The following DLGAP2 variants were observed in gnomAD, a reference collection of about 807,000 sequenced individuals.
DLGAP2 encodes the protein DLG associated protein 2.
A neutral mutation model predicts 100.3 loss-of-function variants in DLGAP2; 26 were observed. The ratio of observed to expected loss-of-function variants is 0.26; its 90% CI spans 0.19 to 0.36. The LOEUF is 0.36. Among genes scored for constraint, DLGAP2 ranks in the 10% least tolerant of loss-of-function variants. The pLI is 1.00. For synonymous variants in DLGAP2, 886 were observed against 630.1 expected (o/e 1.41, Z -6.08); for missense variants, 1,858 against 1,453.2 (o/e 1.28, Z -4.53).
intron 2 of DLGAP2, among the ~76,000 whole-genome samples, chr8:966,541 A>G (rs1375440243): frequency 6.6e-6 from 1 of 152,078 alleles, no homozygotes; most frequent in Non-Finnish European, 1.5e-5. Context: ...AAAGTTTTTA[A>G]TTTTCAAACT....
chr8:1,148,143 G>C (rs1412092137), intron 2 of DLGAP2, among the ~76,000 whole-genome samples: 2 of 152,082 alleles, frequency 1.3e-5, no homozygotes, highest in African/African-American at 2.4e-5. Context: ...ATCTTTTCTA[G>C]ACAGGACTGT....
chr8:839,488 C>T (rs1002199951), intron 1 of DLGAP2, among the ~76,000 whole-genome samples: 5 of 152,188 alleles, frequency 3.3e-5, no homozygotes, highest in Admixed American at 1.3e-4. Context: ...AGACAAATGC[C>T]ACCTGTGCTC....
chr8:1,240,347 A>T (rs188820521), intron 2 of DLGAP2, among the ~76,000 whole-genome samples: 3 of 123,058 alleles, frequency 2.4e-5, no homozygotes, highest in African/African-American at 9.1e-5. Context: ...ACATAACGTC[A>T]TGTCTAGTTC....
intron 4 of DLGAP2, among the ~76,000 whole-genome samples, chr8:1,505,551 G>C (rs1400617216): frequency 1.3e-5 from 2 of 152,218 alleles, no homozygotes; most frequent in African/African-American, 4.8e-5. Flanking sequence ...GAAGCTCATA[G>C]AGTGTAATGT....
chr8:1,337,408 G>A (rs377187005), intron 3 of DLGAP2, among the ~76,000 whole-genome samples: 13 of 192 alleles, frequency 0.068, no homozygotes, highest in East Asian at 0.2. Flanking sequence ...GGTGATGATG[G>A]TGATGGTGAG....
intron 2 of DLGAP2, among the ~76,000 whole-genome samples, chr8:1,167,840 G>A (rs1335723148): frequency 6.9e-6 from 1 of 144,626 alleles, no homozygotes; most frequent in Admixed American, 6.9e-5. Context: ...ACGTTCAGTA[G>A]AGGGATGTAG....
chr8:1,561,938 C>T (rs368709051), intron 5 of DLGAP2, among the ~76,000 whole-genome samples: 1 of 22,318 alleles, frequency 4.5e-5, no homozygotes, highest in Middle Eastern at 0.042. Context: ...CTCGTTGCTG[C>T]GGGACTGTGT....
intron 2 of DLGAP2, among the ~76,000 whole-genome samples, chr8:1,213,324 G>C (rs1011944835): frequency 2.0e-5 from 3 of 152,094 alleles, no homozygotes; most frequent in Admixed American, 2.0e-4. Context: ...TAAAAGTTTT[G>C]ATCGAGTTTT....
chr8:1,357,084 CATT>C (rs1042347052), intron 3 of DLGAP2, among the ~76,000 whole-genome samples: 3 of 122,348 alleles, frequency 2.5e-5, no homozygotes, highest in South Asian at 4.8e-4. Context: ...GATCCAATGA[CATT>C]AAAGCAGATG....
In DLGAP2 at chr8:1,676,638, C is replaced by T. The variant is rs780384355; in HGVS notation, c.2288+20C>T. 3.2e-5 allele frequency: 51 copies of T among 1,603,422 alleles called. No individual in the cohort carries two copies. The highest frequency in any genetic ancestry group is 1.7e-4 in the Middle Eastern group (1 of 6,032). Reference sequence around the variant, plus strand: ...GAAGCGGTAACTCAGCCCCTCCTGACACGCGGTGACCCCCGAGCGAGGGCT... The same window carrying T: ...GAAGCGGTAACTCAGCCCCTCCTGATACGCGGTGACCCCCGAGCGAGGGCT... On this transcript the variant is annotated intron_variant, in intron 11 of 14. Coordinates refer to ENST00000637795, the MANE Select transcript of DLGAP2 (RefSeq NM_001346810.2).
At chr8:1,120,504 T>G (rs1462894487) in intron 2 of DLGAP2, among the ~76,000 whole-genome samples, 1 of 152,068 alleles carries the variant, frequency 6.6e-6, no homozygotes, top group African/African-American at 2.4e-5. Context: ...CAGCCACCCA[T>G]CCTTCGGAAC....
chr8:1,161,316 G>C (rs962290799), intron 2 of DLGAP2, among the ~76,000 whole-genome samples: 3 of 152,156 alleles, frequency 2.0e-5, no homozygotes, highest in African/African-American at 7.2e-5. Flanking sequence ...GGTGTTGTAG[G>C]AAAGGAGATG....
chr8:1,529,420 T>C (rs961847709), intron 4 of DLGAP2, among the ~76,000 whole-genome samples: 4 of 152,190 alleles, frequency 2.6e-5, no homozygotes, highest in African/African-American at 7.2e-5. Context: ...ATGTCTTTCA[T>C]GCCACAGATT....
intron 3 of DLGAP2, among the ~76,000 whole-genome samples, chr8:1,449,452 T>A (rs1469043044): frequency 1.3e-5 from 2 of 151,896 alleles, no homozygotes; most frequent in Admixed American, 1.3e-4. Flanking sequence ...CTCAGCGTTT[T>A]GGGAAGAGCA....
intron 3 of DLGAP2, among the ~76,000 whole-genome samples, chr8:1,410,747 T>C (rs532532924): frequency 6.6e-6 from 1 of 152,178 alleles, no homozygotes; most frequent in Non-Finnish European, 1.5e-5. Flanking sequence ...AGATGCTGAT[T>C]TGGAACCTGG....
intron 2 of DLGAP2, among the ~76,000 whole-genome samples, chr8:983,731 C>T (rs948045342): frequency 3.9e-5 from 6 of 152,074 alleles, no homozygotes; most frequent in Non-Finnish European, 7.4e-5. Flanking sequence ...TGGCTTCCAC[C>T]TCCCAGGCTC....
chr8:1,410,329 G>C (rs924892288), intron 3 of DLGAP2, among the ~76,000 whole-genome samples: 3 of 152,218 alleles, frequency 2.0e-5, no homozygotes, highest in African/African-American at 7.2e-5. Context: ...CACGCGTGCG[G>C]CACCGTGGCC....
chr8:1,185,814 T>A (rs10109506), intron 2 of DLGAP2, among the ~76,000 whole-genome samples: 120,007 of 151,892 alleles, frequency 0.79, 47,585 homozygotes, highest in African/African-American at 0.81. Context: ...AACAATGTAA[T>A]CTAGCTTTAA....
At chr8:972,662 C>T (rs1481095585) in intron 2 of DLGAP2, among the ~76,000 whole-genome samples, 2 of 142,594 alleles carry the variant, frequency 1.4e-5, no homozygotes, top group African/African-American at 2.6e-5. Flanking sequence ...GTGTGTTTCT[C>T]GCAGAGGGGG....
Sources: allele counts gnomAD v4.1 joint callset (sites outside exome capture counted in the v4.1 genomes callset), GRCh38; gene constraint gnomAD v4.1.1; transcripts MANE v1.5; gene names NCBI Gene and HGNC (gene_info 2026-07-23, HGNC 2026-07-21).